Variants in RPS6KC1 observed in about 807,000 individuals in gnomAD.
RPS6KC1 encodes the protein ribosomal protein S6 kinase C1.
Under a neutral mutation model 103.8 loss-of-function variants are expected in RPS6KC1, and 54 were observed. The observed-to-expected ratio is 0.52, with a 90% CI of 0.42 to 0.65. The LOEUF (loss-of-function observed/expected upper bound fraction) is 0.65, where lower values mean the gene tolerates loss of function less well. RPS6KC1 is among the 30% of genes least tolerant of loss of function. The pLI is 0.00. For synonymous variants in RPS6KC1, 439 were observed against 438.7 expected (o/e 1.00, Z -0.01); for missense variants, 1,151 against 1,253.8 (o/e 0.92, Z 1.24).
intron 12 of RPS6KC1, among the ~76,000 whole-genome samples, chr1:213,257,042 T>A (rs1434024563): frequency 1.3e-5 from 2 of 152,148 alleles, no homozygotes; most frequent in Admixed American, 6.5e-5. Flanking sequence ...CTATTTATTT[T>A]AAAAAATAGT....
At chr1:213,301,870 G>C in the RPS6KC1 span, among the ~76,000 whole-genome samples, 2 of 151,776 alleles carry the variant, frequency 1.3e-5, no homozygotes, top group African/African-American at 4.8e-5. Flanking sequence ...TGAGTAGCTG[G>C]GATTATAGGT....
the RPS6KC1 span, among the ~76,000 whole-genome samples, chr1:213,668,447 T>C: frequency 7.7e-6 from 1 of 129,308 alleles, no homozygotes; most frequent in Non-Finnish European, 1.6e-5. Context: ...ATAGTGTGCT[T>C]AAAATATTCA....
chr1:213,804,671 G>A, the RPS6KC1 span, among the ~76,000 whole-genome samples: 1 of 152,152 alleles, frequency 6.6e-6, no homozygotes, highest in South Asian at 2.1e-4. Flanking sequence ...ATCTCCCCCA[G>A]TAGAACTTGC....
chr1:213,833,404 C>A, the RPS6KC1 span, among the ~76,000 whole-genome samples: 1 of 152,274 alleles, frequency 6.6e-6, no homozygotes, highest in East Asian at 1.9e-4. Context: ...TCATTTCTAT[C>A]ATTCCTATTC....
chr1:213,583,839 GAAAAAAGAAAAA>G, the RPS6KC1 span, among the ~76,000 whole-genome samples: 2 of 123,752 alleles, frequency 1.6e-5, no homozygotes, highest in African/African-American at 6.1e-5. Context: ...AAAAAAAAAA[GAAAAAAGAAAAA>G]AAAAGAAAAA....
chr1:213,749,956 A>G, the RPS6KC1 span, among the ~76,000 whole-genome samples: 7 of 152,354 alleles, frequency 4.6e-5, no homozygotes, highest in South Asian at 8.3e-4. Context: ...CCTAACTTCA[A>G]AATTCTCTCT....
chr1:213,589,938 GGTGTGTGTGTGTGTGTGTGT>G, the RPS6KC1 span, among the ~76,000 whole-genome samples: 3 of 132,824 alleles, frequency 2.3e-5, no homozygotes, highest in Admixed American at 7.3e-5. Flanking sequence ...AAAAGGTAGT[GGTGTGTGTGTGTGTGTGTGT>G]GTGTGTGTGT....
chr1:213,506,987 C>T, the RPS6KC1 span, among the ~76,000 whole-genome samples: 1 of 152,202 alleles, frequency 6.6e-6, no homozygotes, highest in Non-Finnish European at 1.5e-5. Context: ...CTTTCTGACA[C>T]ATAATTTGCT....
chr1:213,764,213 A>C, the RPS6KC1 span, among the ~76,000 whole-genome samples: 1 of 152,186 alleles, frequency 6.6e-6, no homozygotes, highest in Non-Finnish European at 1.5e-5. Flanking sequence ...GAGAGAAGCT[A>C]TTTCTCCAGG....
chr1:213,292,126 G>T, the RPS6KC1 span, among the ~76,000 whole-genome samples: 1 of 152,200 alleles, frequency 6.6e-6, no homozygotes, highest in African/African-American at 2.4e-5. Context: ...GGTAGGTATA[G>T]CTTTAGGAGA....
chr1:213,686,379 C>A, the RPS6KC1 span, among the ~76,000 whole-genome samples: 2 of 152,114 alleles, frequency 1.3e-5, no homozygotes, highest in South Asian at 4.1e-4. Context: ...GGTAGCCTTG[C>A]CCTCTTTAGA....
the RPS6KC1 span, among the ~76,000 whole-genome samples, chr1:213,363,621 GCTTGCTTTCTTTCTTT>G: frequency 0.013 from 1,078 of 85,462 alleles, 9 homozygotes; most frequent in South Asian, 0.02. Flanking sequence ...TTGCTTGCTT[GCTTGCTTTCTTTCTTT>G]CTTTCTTTCT....
At chr1:213,201,869 A>G (rs2093175754) in intron 8 of RPS6KC1, among the ~76,000 whole-genome samples, 1 of 152,330 alleles carries the variant, frequency 6.6e-6, no homozygotes, top group African/African-American at 2.4e-5. Flanking sequence ...TAAAATTTTA[A>G]GAGATACAGG....
At chr1:213,675,047 T>C in the RPS6KC1 span, among the ~76,000 whole-genome samples, 1 of 152,184 alleles carries the variant, frequency 6.6e-6, no homozygotes, top group Non-Finnish European at 1.5e-5. Flanking sequence ...AGACCTTTGT[T>C]GGTTGCATTG....
intron 4 of RPS6KC1, among the ~76,000 whole-genome samples, chr1:213,113,676 G>A (rs967006384): frequency 1.3e-5 from 2 of 150,402 alleles, no homozygotes; most frequent in Non-Finnish European, 3.0e-5. Context: ...TTTCTTCTAG[G>A]GTTTTGATGG....
intron 4 of RPS6KC1, among the ~76,000 whole-genome samples, chr1:213,107,458 T>G (rs1326449667): frequency 6.6e-6 from 1 of 152,236 alleles, no homozygotes; most frequent in Non-Finnish European, 1.5e-5. Flanking sequence ...GCTTTTGAGC[T>G]TCATTCATGT....
chr1:213,782,231 A>T, the RPS6KC1 span, among the ~76,000 whole-genome samples: 1 of 152,208 alleles, frequency 6.6e-6, no homozygotes, highest in East Asian at 1.9e-4. Flanking sequence ...GAAAGGATGG[A>T]CTAGGCACAC....
the RPS6KC1 span, among the ~76,000 whole-genome samples, chr1:213,494,590 G>A: frequency 2.7e-3 from 418 of 152,092 alleles, 1 homozygote; most frequent in Middle Eastern, 0.02. Flanking sequence ...AGAGACAAAT[G>A]TTTCAAAGTC....
rs145118748 is a variant in RPS6KC1 at position 213,242,585 on chromosome 1, G to A, written c.2838G>A (p.Thr946=). ...TGTTTTTAGGACACATTCAGCTAAC[G>A]TATTTTAGCAGGTGGAGTGAGGTTG... ...LLNDRGHIQL[T]YFSRWSEVED... is the part of the protein sequence containing the mutation. Residue 946 remains threonine, a synonymous_variant, in exon 12 of 15, where the codon ACG becomes ACA. Transcript: ENST00000366960. 40 of 1,604,910 alleles carry A rather than the reference G, an allele frequency of 2.5e-5. No homozygotes were observed. The highest frequency in any genetic ancestry group is 1.1e-4 in the South Asian group (10 of 90,800).
Sources: allele counts gnomAD v4.1 joint callset (sites outside exome capture counted in the v4.1 genomes callset), GRCh38; gene constraint gnomAD v4.1.1; transcripts MANE v1.5; gene names NCBI Gene and HGNC (gene_info 2026-07-23, HGNC 2026-07-21).